NCOA1: variants seen among roughly 807,000 people sequenced by gnomAD.
NCOA1 encodes nuclear receptor coactivator 1, also known as Hin-2 protein.
NCOA1 carries 35 observed loss-of-function variants against 150.9 expected under a neutral mutation model. That is an observed-to-expected ratio of 0.23 (90% CI 0.18 to 0.31). The LOEUF (loss-of-function observed/expected upper bound fraction) is 0.31, where lower values mean the gene tolerates loss of function less well. Ranked by LOEUF, NCOA1 falls within the 10% of genes least tolerant of loss-of-function variation. NCOA1 has a pLI of 1.00. For missense variants in NCOA1, 1,491 were observed against 1,749.3 expected (o/e 0.85, Z 2.63); for synonymous variants, 590 against 630.0 (o/e 0.94, Z 0.95).
intron 1 of NCOA1, among the ~76,000 whole-genome samples, chr2:24,504,227 C>T (rs2148083470): frequency 6.6e-6 from 1 of 152,262 alleles, no homozygotes; most frequent in African/African-American, 2.4e-5. Context: ...AATTTGTGGG[C>T]TTTGGAATGT....
At chr2:24,613,775 A>C (rs537897939) in intron 3 of NCOA1, among the ~76,000 whole-genome samples, 5 of 152,066 alleles carry the variant, frequency 3.3e-5, no homozygotes, top group Non-Finnish European at 7.4e-5. Context: ...TGGTCTTGGC[A>C]TGGGGAGAGT....
At chr2:24,723,901 A>C (rs907667077) in intron 14 of NCOA1, among the ~76,000 whole-genome samples, 3 of 152,208 alleles carry the variant, frequency 2.0e-5, no homozygotes, top group Non-Finnish European at 2.9e-5. Context: ...TTAACTGTGA[A>C]TATCAAAATC....
rs553499439 is a variant in NCOA1 at position 24,731,749 on chromosome 2, A to G, written c.3201+1934A>G. Among the ~76,000 whole-genome samples the G allele has an allele frequency of 2.4e-3, 368 of 152,356 alleles. 1 individual carries two copies. The highest frequency in any genetic ancestry group is 8.6e-3 in the African/African-American group (356 of 41,580). The stretch of plus-strand genomic sequence containing the variant: ...GATAAACTACTTCTTGTAGCTTTCC[A>G]TTCATCTTTAGATAGAGGGCACCAG... On this transcript the variant is annotated intron_variant, in intron 17 of 22. Transcript: ENST00000348332.
chr2:24,646,904 T>C (rs1670501709), intron 4 of NCOA1, among the ~76,000 whole-genome samples: 1 of 151,864 alleles, frequency 6.6e-6, no homozygotes, highest in Admixed American at 6.6e-5. Flanking sequence ...GGAACAAAAA[T>C]TAGGGTTTGC....
At chr2:24,588,421 G>A (rs1043415332) in intron 3 of NCOA1, among the ~76,000 whole-genome samples, 1 of 152,170 alleles carries the variant, frequency 6.6e-6, no homozygotes, top group East Asian at 1.9e-4. Context: ...TAATAGCGGG[G>A]CCCTGTCCCT....
chr2:24,690,651 C>CAAAAAAAAAAAAAAAAAAAAAAAAA lies in NCOA1; in HGVS notation c.533-827_533-803dup, dbSNP rs70947837. Among the ~76,000 whole-genome samples the CAAAAAAAAAAAAAAAAAAAAAAAAA allele has an allele frequency of 2.9e-4, 11 of 38,444 alleles. 1 individual carries two copies. Among genetic ancestry groups the CAAAAAAAAAAAAAAAAAAAAAAAAA allele is most frequent in the Non-Finnish European group, 2.9e-4 (7 of 24,000 alleles). 25.2% of individuals were successfully genotyped at this position (38,444 alleles called of 152,430 possible). A position where few individuals can be genotyped will look rare whatever the true frequency, so the allele number is the denominator to read the frequency against. ...TGGGTGACAAAGTGAGATTCCATCT[C>CAAAAAAAAAAAAAAAAAAAAAAAAA]AAAAAAAAAAAAAAAAAAAAAAAAA... On this transcript the variant is annotated intron_variant, in intron 8 of 22. Coordinates refer to ENST00000348332, the MANE Select transcript of NCOA1 (RefSeq NM_003743.5).
intron 3 of NCOA1, among the ~76,000 whole-genome samples, chr2:24,593,808 A>G (rs751257948): frequency 1.3e-5 from 2 of 152,152 alleles, no homozygotes; most frequent in African/African-American, 2.4e-5. Flanking sequence ...AGTCTGCCCT[A>G]TAAGGCCTCA....
At chr2:24,516,975 C>CGTGTATATAT (rs370902604) in intron 1 of NCOA1, among the ~76,000 whole-genome samples, 33 of 22,632 alleles carry the variant, frequency 1.5e-3, no homozygotes, top group African/African-American at 2.7e-3. Flanking sequence ...CGTATATATA[C>CGTGTATATAT]ACATATACGT....
chr2:24,661,441 A>G (rs1238217900), intron 5 of NCOA1, among the ~76,000 whole-genome samples: 1 of 152,186 alleles, frequency 6.6e-6, no homozygotes, highest in Non-Finnish European at 1.5e-5. Flanking sequence ...TGATGCAAGT[A>G]TCTTCTCCCA....
chr2:24,659,732 T>G (rs1671095562), intron 5 of NCOA1, among the ~76,000 whole-genome samples: 1 of 152,162 alleles, frequency 6.6e-6, no homozygotes, highest in South Asian at 2.1e-4. Flanking sequence ...CTATTGACAT[T>G]TCGTGTCAGA....
At chr2:24,717,111 T>C (rs904993428) in intron 14 of NCOA1, among the ~76,000 whole-genome samples, 5 of 152,164 alleles carry the variant, frequency 3.3e-5, no homozygotes, top group Admixed American at 2.0e-4. Context: ...AACAACAATA[T>C]GCTGGCGAGG....
chr2:24,634,269 T>C (rs967931657), intron 3 of NCOA1, among the ~76,000 whole-genome samples: 9 of 152,194 alleles, frequency 5.9e-5, no homozygotes, highest in Non-Finnish European at 1.5e-5. Context: ...TCAGTGATGC[T>C]TCATTTCTTT....
intron 1 of NCOA1, among the ~76,000 whole-genome samples, chr2:24,528,586 G>A (rs115156543): frequency 0.031 from 4,638 of 151,654 alleles, 226 homozygotes; most frequent in African/African-American, 0.1. Flanking sequence ...GAGCTCAACC[G>A]ACCCACCCAT....
At chr2:24,635,405 C>T (rs1007665542) in intron 3 of NCOA1, among the ~76,000 whole-genome samples, 1 of 151,902 alleles carries the variant, frequency 6.6e-6, no homozygotes, top group Non-Finnish European at 1.5e-5. Context: ...TCTGGGGATC[C>T]TGAATCATTA....
chr2:24,730,484 A>G (rs989848346), intron 17 of NCOA1, among the ~76,000 whole-genome samples: 1 of 152,168 alleles, frequency 6.6e-6, no homozygotes, highest in African/African-American at 2.4e-5. Flanking sequence ...GCATCAAGAG[A>G]TACTGTTTAT....
chr2:24,657,096 C>T (rs989112599), intron 4 of NCOA1, among the ~76,000 whole-genome samples: 6 of 152,204 alleles, frequency 3.9e-5, no homozygotes, highest in Admixed American at 3.9e-4. Context: ...AAAATGTATA[C>T]GAGTTCCCTT....
intron 1 of NCOA1, among the ~76,000 whole-genome samples, chr2:24,542,009 A>G (rs1349884115): frequency 1.3e-5 from 2 of 152,234 alleles, no homozygotes; most frequent in Non-Finnish European, 2.9e-5. Context: ...AAAATTAATA[A>G]TAATGAAAAG....
chr2:24,533,826 GC>G (rs951877757), intron 1 of NCOA1, among the ~76,000 whole-genome samples: 6 of 152,202 alleles, frequency 3.9e-5, no homozygotes, highest in Non-Finnish European at 7.3e-5. Context: ...TTTTTGATGT[GC>G]TGTTGGATTC....
intron 3 of NCOA1, among the ~76,000 whole-genome samples, chr2:24,631,670 C>T (rs1405595306): frequency 6.6e-6 from 1 of 152,068 alleles, no homozygotes; most frequent in Non-Finnish European, 1.5e-5. Context: ...TATCATAAGG[C>T]AATATTTGGT....
Sources: allele counts gnomAD v4.1 joint callset (sites outside exome capture counted in the v4.1 genomes callset), GRCh38; gene constraint gnomAD v4.1.1; transcripts MANE v1.5; gene names NCBI Gene and HGNC (gene_info 2026-07-23, HGNC 2026-07-21).